Variants in USP12 observed in about 807,000 individuals in gnomAD.
The protein encoded by USP12 is ubiquitin specific peptidase 12.
In USP12, 19 loss-of-function variants were observed where a neutral mutation model predicts 45.5. The observed-to-expected ratio is 0.42, with a 90% CI of 0.29 to 0.61. The LOEUF is 0.61. USP12 is among the 20% of genes least tolerant of loss of function. USP12 has a pLI of 0.22. For missense variants in USP12, 242 were observed against 447.7 expected, an observed-to-expected ratio of 0.54 and a Z score of 4.15; for synonymous variants, 149 against 148.8, an observed-to-expected ratio of 1.00 and a Z score of -0.01.
intron 1 of USP12, among the ~76,000 whole-genome samples, chr13:27,144,702 CAG>C (rs1566002373): frequency 6.6e-6 from 1 of 150,426 alleles, no homozygotes; most frequent in East Asian, 1.9e-4. Flanking sequence ...AAAAACAAAA[CAG>C]AAAGACCACA....
At position 27,103,800 on chromosome 13, in the gene USP12, A is replaced by G. The variant is rs563661921; in HGVS notation, c.343+1931T>C. Among the ~76,000 whole-genome samples, 16 of 151,532 alleles carry G rather than the reference A, an allele frequency of 1.1e-4. No individual in the cohort carries two copies. In the East Asian group the frequency reaches 2.9e-3, roughly 27 times the overall value. ...GAGAGAGAAAGAGATGAAAAAAGAA[A>G]AAAAGCCCATTTGGAAAAAATAACG... is the stretch of plus-strand genomic sequence containing the variant. On this transcript the variant is annotated intron_variant, in intron 3 of 8. Transcript: ENST00000282344.
intron 3 of USP12, among the ~76,000 whole-genome samples, chr13:27,103,354 T>C (rs545291885): frequency 1.3e-5 from 2 of 152,216 alleles, no homozygotes; most frequent in South Asian, 2.1e-4. Context: ...GCCAAAAATA[T>C]ATTTCAAAAC....
At chr13:27,091,421 C>G (rs929726569) in intron 4 of USP12, among the ~76,000 whole-genome samples, 1 of 152,202 alleles carries the variant, frequency 6.6e-6, no homozygotes, top group Non-Finnish European at 1.5e-5. Context: ...AACCTAGACA[C>G]AAGGATGCTC....
chr13:27,170,885 G>A (rs1287402944), intron 1 of USP12, among the ~76,000 whole-genome samples: 1 of 152,236 alleles, frequency 6.6e-6, no homozygotes, highest in East Asian at 1.9e-4. Flanking sequence ...GAGAGCTCGT[G>A]CCTCTCAGAG....
intron 1 of USP12, chr13:27,117,612 C>A: frequency 3.8e-6 from 1 of 261,852 alleles, no homozygotes; most frequent in Non-Finnish European, 8.1e-6. Flanking sequence ...ACATAAAACA[C>A]CAACGTGTGT....
chr13:27,170,238 T>C, intron 1 of USP12: 1 of 398,528 alleles, frequency 2.5e-6, no homozygotes, highest in Non-Finnish European at 4.4e-6. Context: ...CGATTTTATG[T>C]CCACCTGATT....
intron 1 of USP12, among the ~76,000 whole-genome samples, chr13:27,151,286 C>T (rs1188796251): frequency 6.6e-6 from 1 of 151,712 alleles, no homozygotes; most frequent in Non-Finnish European, 1.5e-5. Flanking sequence ...AGCCAAGATT[C>T]AGCGACAAAG....
intron 6 of USP12, among the ~76,000 whole-genome samples, chr13:27,084,896 TG>T (rs1232598963): frequency 6.6e-6 from 1 of 152,218 alleles, no homozygotes; most frequent in African/African-American, 2.4e-5. Context: ...TGTGGATTTT[TG>T]GATGTTTTTT....
intron 1 of USP12, among the ~76,000 whole-genome samples, chr13:27,137,002 T>TA (rs1276767428): frequency 3.3e-5 from 5 of 151,948 alleles, no homozygotes; most frequent in African/African-American, 4.8e-5. Context: ...TTTCCCATAA[T>TA]AAAAAAACAC....
chr13:27,170,951 G>A lies in USP12; in HGVS notation c.48+641C>T, dbSNP rs370252199. 5.3e-5 allele frequency among the ~76,000 whole-genome samples: 8 copies of A among 152,290 alleles called. No individual in the cohort carries two copies. In the South Asian group the frequency reaches 1.7e-3, roughly 32 times the overall value. The stretch of plus-strand genomic sequence containing the variant: ...ATTTAAAGTTTCCACCTTCACACAC[G>A]CCCCTTTCCCCCAGCGCGGGGTCGG... On this transcript the variant is annotated intron_variant, in intron 1 of 8. Transcript: ENST00000282344.
chr13:27,078,408 T>C (rs1456746406), intron 6 of USP12, among the ~76,000 whole-genome samples: 2 of 151,220 alleles, frequency 1.3e-5, no homozygotes, highest in Admixed American at 6.6e-5. Context: ...GTGAGGGTCC[T>C]GGAACCAACT....
At chr13:27,076,600 T>G (rs1243740308) in intron 6 of USP12, among the ~76,000 whole-genome samples, 1 of 152,170 alleles carries the variant, frequency 6.6e-6, no homozygotes, top group Non-Finnish European at 1.5e-5. Flanking sequence ...TTCCCTTCAT[T>G]TTTATTTCCC....
intron 2 of USP12, among the ~76,000 whole-genome samples, chr13:27,110,922 C>T (rs1297438265): frequency 6.6e-6 from 1 of 152,070 alleles, no homozygotes; most frequent in Admixed American, 6.6e-5. Flanking sequence ...AAGAGATCAT[C>T]TCCAAGTATA....
chr13:27,071,352 T>A (rs1377229769), intron 7 of USP12, among the ~76,000 whole-genome samples: 1 of 152,138 alleles, frequency 6.6e-6, no homozygotes, highest in African/African-American at 2.4e-5. Flanking sequence ...AATCAAATAA[T>A]TAGTACTCTA....
At position 27,099,536 on chromosome 13, in the gene USP12, T is replaced by C. The variant is rs191321657; in HGVS notation, c.344-3706A>G. ...TGTTCCATTTCCATTTAAATCTACC[T>C]AGTTCAAGTCACCTCCCTTCACTTA... On this transcript the variant is annotated intron_variant, in intron 3 of 8. Coordinates refer to ENST00000282344, the MANE Select transcript of USP12 (RefSeq NM_182488.4). Among the ~76,000 whole-genome samples, 10 of 152,290 alleles carry C rather than the reference T, an allele frequency of 6.6e-5. No individual in the cohort carries two copies. The East Asian group carries it at 1.9e-3, about 29-fold the overall frequency.
chr13:27,157,378 G>A (rs1054148995), intron 1 of USP12, among the ~76,000 whole-genome samples: 4 of 151,988 alleles, frequency 2.6e-5, no homozygotes, highest in South Asian at 2.1e-4. Flanking sequence ...ATAATTCCCC[G>A]TCATTACTTT....
chr13:27,167,473 C>T (rs2137850893), intron 1 of USP12, among the ~76,000 whole-genome samples: 1 of 152,130 alleles, frequency 6.6e-6, no homozygotes, highest in East Asian at 1.9e-4. Flanking sequence ...TCTCTCTCCA[C>T]CAAGCTCAAA....
rs192926768 is a variant in USP12, at chr13:27,122,822, G to A, written c.49-6226C>T. On this transcript the variant is annotated intron_variant, in intron 1 of 8. Coordinates refer to ENST00000282344, the MANE Select transcript of USP12 (RefSeq NM_182488.4). ...AAAAACAGGAAACGTGGCCAGGCGC[G>A]GTGGCTCATGTCTGTAATCCCAGCA... Among the ~76,000 whole-genome samples, 458 of 152,190 alleles carry A rather than the reference G, an allele frequency of 3.0e-3. 2 individuals are homozygous for A. Among genetic ancestry groups the A allele is most frequent in the African/African-American group, 0.011 (440 of 41,506 alleles).
At chr13:27,078,501 CA>C (rs904305365) in intron 6 of USP12, among the ~76,000 whole-genome samples, 38 of 151,810 alleles carry the variant, frequency 2.5e-4, no homozygotes, top group African/African-American at 8.9e-4. Flanking sequence ...TCTAACATAA[CA>C]GGGGGTTGCC....
Sources: gnomAD v4.1 joint callset for allele counts (sites outside exome capture counted in the v4.1 genomes callset) on GRCh38, gnomAD v4.1.1 for gene constraint, MANE v1.5 for transcripts, NCBI Gene and HGNC (gene_info 2026-07-23, HGNC 2026-07-21) for gene names.